The following ZNF300 variants were observed in gnomAD, a reference collection of about 807,000 sequenced individuals.
ZNF300 encodes kruppel-like zinc finger protein.
A neutral mutation model predicts 13.9 loss-of-function variants in ZNF300; 6 were observed. The ratio of observed to expected loss-of-function variants is 0.43; its 90% CI spans 0.24 to 0.85. The LOEUF is 0.85. ZNF300 is among the 40% of genes least tolerant of loss of function. The pLI is 0.25. For synonymous variants in ZNF300, 237 were observed against 242.2 expected (o/e 0.98, Z 0.20); for missense variants, 662 against 714.2 (o/e 0.93, Z 0.83).
chr5:150,895,486 C>T lies in ZNF300; in HGVS notation c.1753G>A (p.Ala585Thr). ...RPYQCAICGK[A>T]FIQKSQLTVH... ...GTTAGTTGTGACTTCTGGATGAAGG[C>T]CTTCCCACATATAGCACATTGATAG... The change falls in exon 6 of 6, where the codon GCC becomes ACC. Residue 585 changes from alanine (A) to threonine (T), a missense_variant. Transcript: ENST00000274599. 1 of 1,613,162 alleles carries T rather than the reference C, an allele frequency of 6.2e-7. No individual in the cohort carries two copies. The highest frequency in any genetic ancestry group is 8.5e-7 in the Non-Finnish European group (1 of 1,179,514).
intron 2 of ZNF300, among the ~76,000 whole-genome samples, chr5:150,903,546 G>A (rs558887730): frequency 6.6e-6 from 1 of 152,162 alleles, no homozygotes; most frequent in African/African-American, 2.4e-5. Flanking sequence ...GCTATATAAG[G>A]ATATAAGTGA....
Position 150,895,381 on chromosome 5 carries a change from T to G in ZNF300, c.*43A>C. 1 of 1,400,480 alleles carries G rather than the reference T, an allele frequency of 7.1e-7. No individual in the cohort carries two copies. The highest frequency in any genetic ancestry group is 9.6e-7 in the Non-Finnish European group (1 of 1,042,664). The allele number at this position is 1,400,480 out of a possible 1,614,324, so 86.8% of individuals were successfully genotyped here. A position where few individuals can be genotyped will look rare whatever the true frequency, so the allele number is the denominator to read the frequency against. ...AAATTAATTGGGTTTCTAGTAATTA[T>G]TAAGGCTTGAGCTAATACTAAGGCT... On this transcript the variant is annotated 3_prime_UTR_variant, in exon 6 of 6. Coordinates refer to ENST00000274599, the MANE Select transcript of ZNF300 (RefSeq NM_052860.4).
chr5:150,903,258 T>G, intron 2 of ZNF300, 76 bp from the exon 3 acceptor site: 1 of 1,610,798 alleles, frequency 6.2e-7, no homozygotes, highest in Non-Finnish European at 8.5e-7. Context: ...TTCACCAATC[T>G]TGCAACAACT....
Position 150,895,981 on chromosome 5 carries a change from C to G in ZNF300, c.1258G>C (p.Glu420Gln), listed in dbSNP as rs765124998. Residue 420 changes from glutamate (E) to glutamine (Q), a missense_variant, in exon 6 of 6, where the codon GAG (glutamate) becomes CAG (glutamine). By Grantham distance (29) the Glu-to-Gln change is conservative. Coordinates refer to ENST00000274599, the MANE Select transcript of ZNF300 (RefSeq NM_052860.4). ...ECTECGKAFC[E>Q]KSHLIIHKRI... is the part of the protein sequence containing the mutation. ...TTATGTATAATGAGGTGGGACTTCTCACAGAAGGCTTTCCCACATTCGGTA... is the reference window on the plus strand; with the variant it reads ...TTATGTATAATGAGGTGGGACTTCTGACAGAAGGCTTTCCCACATTCGGTA... 1 of 1,613,200 alleles carries G rather than the reference C, an allele frequency of 6.2e-7. No homozygotes were observed. Among genetic ancestry groups the G allele is most frequent in the Non-Finnish European group, 8.5e-7 (1 of 1,179,684 alleles).
chr5:150,898,224 C>A (rs368626773), intron 4 of ZNF300, 40 bp from the exon 5 acceptor site: 21 of 1,608,660 alleles, frequency 1.3e-5, no homozygotes, highest in Non-Finnish European at 1.8e-5. Context: ...ATTGACTGCA[C>A]TGAAGGAAAA....
In ZNF300 at chr5:150,895,933, G is replaced by GT; in HGVS notation, c.1305dup (p.Pro436ThrfsTer8). The stretch of plus-strand genomic sequence containing the variant: ...TCCTCACATTGAGCACATTTGTAGG[G>GT]TTTCTCACCAGTGTGAATTCTTTTA... On this transcript the variant is annotated frameshift_variant, in exon 6 of 6. Transcript: ENST00000274599. LOFTEE classifies it low-confidence loss of function (END_TRUNC). 6.2e-7 allele frequency: 1 copy of GT among 1,613,424 alleles called. No individual in the cohort carries two copies. The highest frequency in any genetic ancestry group is 8.5e-7 in the Non-Finnish European group (1 of 1,179,802).
Position 150,896,443 on chromosome 5 carries a change from C to G in ZNF300, c.796G>C (p.Glu266Gln). The G allele has an allele frequency of 1.2e-6, 2 of 1,613,618 alleles. No individual in the cohort carries two copies. The highest frequency in any genetic ancestry group is 2.2e-5 in the South Asian group (2 of 91,046). The change falls in exon 6 of 6, where the codon GAG becomes CAG. Residue 266 changes from glutamate to glutamine, a missense_variant. Coordinates refer to ENST00000274599, the MANE Select transcript of ZNF300 (RefSeq NM_052860.4). ...CATGTAACACATACACAGCTTTTCT[C>G]TTTAGTTTCCACATTCTGATATTGA... Reference protein sequence around the residue: ...LIQYQNVETKEKSCVCVTCGK... With the variant: ...LIQYQNVETKQKSCVCVTCGK...
chr5:150,903,711 A>G (rs1426760334), intron 2 of ZNF300, among the ~76,000 whole-genome samples, 153 bp downstream of exon 2: 1 of 152,210 alleles, frequency 6.6e-6, no homozygotes, highest in East Asian at 1.9e-4. Context: ...TGCTAAATCA[A>G]TGTGCATGAA....
intron 5 of ZNF300, chr5:150,897,222 T>C: frequency 5.4e-6 from 2 of 373,560 alleles, no homozygotes; most frequent in Non-Finnish European, 9.5e-6. Context: ...TCACTAATTT[T>C]TGATTATTCT....
Position 150,903,140 on chromosome 5 carries a change from C to T in ZNF300, c.15+1G>A. Reference sequence around the variant, plus strand: ...TTTTTTTTTTTTAAAAAGCAACTCACCTGGGACTTCATCATTTTTTGCTCT... The same window carrying T: ...TTTTTTTTTTTTAAAAAGCAACTCATCTGGGACTTCATCATTTTTTGCTCT... On this transcript the variant is annotated splice_donor_variant, in intron 3 of 5. Coordinates refer to ENST00000274599, the MANE Select transcript of ZNF300 (RefSeq NM_052860.4). LOFTEE classifies it high-confidence loss of function. 1 of 1,612,412 alleles carries T rather than the reference C, an allele frequency of 6.2e-7. No homozygotes were observed. Among genetic ancestry groups the T allele is most frequent in the Non-Finnish European group, 8.5e-7 (1 of 1,179,412 alleles).
rs191424888 is a variant in ZNF300, at chr5:150,902,138, C to T, written c.15+1003G>A. Among the ~76,000 whole-genome samples the T allele has an allele frequency of 2.0e-5, 3 of 152,114 alleles. No homozygotes were observed. In the East Asian group the frequency reaches 5.8e-4, roughly 29 times the overall value. On this transcript the variant is annotated intron_variant, in intron 3 of 5. Coordinates refer to ENST00000274599, the MANE Select transcript of ZNF300 (RefSeq NM_052860.4). ...AGGTCTCTCTGTTTTAAATTTTTAT[C>T]TTTTATATAATTTTAAATGTTTATA...
In ZNF300 at chr5:150,895,731, C is replaced by G; in HGVS notation, c.1508G>C (p.Cys503Ser). ...YKCSECGKAF[C>S]QKSHLIGHQR... ...ATGTCCAATGAGATGTGACTTCTGGCAGAAGGCTTTGCCACATTCACTACA... is the reference window on the plus strand; with the variant it reads ...ATGTCCAATGAGATGTGACTTCTGGGAGAAGGCTTTGCCACATTCACTACA... Residue 503 changes from cysteine (C) to serine (S), a missense_variant, in exon 6 of 6, where the codon TGC becomes TCC. Cys to Ser is a moderately radical substitution (Grantham distance 112, BLOSUM62 -1). Transcript: ENST00000274599. The G allele has an allele frequency of 1.2e-6, 2 of 1,613,520 alleles. No individual in the cohort carries two copies. Among genetic ancestry groups the G allele is most frequent in the Non-Finnish European group, 1.7e-6 (2 of 1,179,794 alleles).
At position 150,898,435 on chromosome 5, in the gene ZNF300, G is replaced by A; in HGVS notation, c.135C>T (p.Val45=). Residue 45 remains valine (V), a synonymous_variant, in exon 4 of 6, where the codon GTC becomes GTT. Transcript: ENST00000274599. ...DVMLENYSHL[V]SMGYPVSKPD... is the part of the protein sequence containing the mutation. ...CAGGGAAGCCATCCTTACCCATTGAGACCAGGTGGCTGTAGTTCTCCAGCA... is the reference window on the plus strand; with the variant it reads ...CAGGGAAGCCATCCTTACCCATTGAAACCAGGTGGCTGTAGTTCTCCAGCA... The A allele has an allele frequency of 6.2e-7, 1 of 1,613,368 alleles. No homozygotes were observed. Among genetic ancestry groups the A allele is most frequent in the Non-Finnish European group, 8.5e-7 (1 of 1,179,568 alleles).
chr5:150,895,813 G>C lies in ZNF300; in HGVS notation c.1426C>G (p.Arg476Gly). ...ECTECGKTFS[R>G]KSQLIIHQRT... ...TGATGTATGATGAGCTGTGACTTGC[G>C]GGAGAATGTCTTTCCACATTCAGTA... Residue 476 changes from arginine (R) to glycine (G), a missense_variant, in exon 6 of 6, where the codon CGC (arginine) becomes GGC (glycine). Arg to Gly is a moderately radical substitution (Grantham distance 125, BLOSUM62 -2). Transcript: ENST00000274599. The C allele has an allele frequency of 6.2e-7, 1 of 1,613,562 alleles. No individual in the cohort carries two copies. The highest frequency in any genetic ancestry group is 2.2e-5 in the East Asian group (1 of 44,858).
In ZNF300 at chr5:150,895,251, A is replaced by G. The variant is rs916464439; in HGVS notation, c.*173T>C. 14 of 516,888 alleles carry G rather than the reference A, an allele frequency of 2.7e-5. No individual in the cohort carries two copies. The highest frequency in any genetic ancestry group is 1.8e-4 in the East Asian group (6 of 33,594). 32.0% of individuals were successfully genotyped at this position (516,888 alleles called of 1,614,324 possible). ...CATATTAAAAATGTTCTTCATTTATATAACTATTTTCCATCATCTTTGCTG... is the reference window on the plus strand; with the variant it reads ...CATATTAAAAATGTTCTTCATTTATGTAACTATTTTCCATCATCTTTGCTG... On this transcript the variant is annotated 3_prime_UTR_variant, in exon 6 of 6. Transcript: ENST00000274599.
chr5:150,903,323 C>A, intron 2 of ZNF300, 141 bp from the exon 3 acceptor site: 1 of 1,565,384 alleles, frequency 6.4e-7, no homozygotes, highest in South Asian at 1.2e-5. Context: ...GTTGTTTGAG[C>A]CTTACAGAAG....
rs868460520 is a variant in ZNF300, at chr5:150,897,883, T to C, written c.265+179A>G. 29 of 662,526 alleles carry C rather than the reference T, an allele frequency of 4.4e-5. No homozygotes were observed. In the South Asian group the frequency reaches 5.0e-4, roughly 11 times the overall value. 41.0% of individuals were successfully genotyped at this position (662,526 alleles called of 1,614,324 possible). A position where few individuals can be genotyped will look rare whatever the true frequency, so the allele number is the denominator to read the frequency against. ...GACAACAAATATAAACATATATATA[T>C]ACACACAAGAGACAGGATCAACAAC... On this transcript the variant is annotated intron_variant, in intron 5 of 5. Coordinates refer to ENST00000274599, the MANE Select transcript of ZNF300 (RefSeq NM_052860.4).
chr5:150,903,380 G>A (rs1456190268), intron 2 of ZNF300, 198 bp from the exon 3 acceptor site: 2 of 1,541,940 alleles, frequency 1.3e-6, no homozygotes. Context: ...TACTCCTCTT[G>A]TACCTATAAT....
In ZNF300 at chr5:150,896,474, G is replaced by A. The variant is rs773989016; in HGVS notation, c.765C>T (p.Ser255=). The part of the protein sequence containing the change: ...QCGNVFRNTQ[S]LIQYQNVETK... Reference sequence around the variant, plus strand: ...TTTCCACATTCTGATATTGAATAAGGGATTGTGTATTTCTAAAAACGTTTC... The same window carrying A: ...TTTCCACATTCTGATATTGAATAAGAGATTGTGTATTTCTAAAAACGTTTC... Residue 255 remains serine (S), a synonymous_variant, in exon 6 of 6, where the codon TCC becomes TCT. Transcript: ENST00000274599. 7 of 1,613,386 alleles carry A rather than the reference G, an allele frequency of 4.3e-6. No homozygotes were observed. Among genetic ancestry groups the A allele is most frequent in the Non-Finnish European group, 5.9e-6 (7 of 1,179,760 alleles).
Sources: gnomAD v4.1 joint callset for allele counts (sites outside exome capture counted in the v4.1 genomes callset) on GRCh38, gnomAD v4.1.1 for gene constraint, MANE v1.5 for transcripts, NCBI Gene and HGNC (gene_info 2026-07-23, HGNC 2026-07-21) for gene names.